The following PHF21B variants were observed in gnomAD, a reference collection of about 807,000 sequenced individuals.
The protein encoded by PHF21B is PHD finger protein 21B, also known as PHD finger protein 4.
A neutral mutation model predicts 62.2 loss-of-function variants in PHF21B; 22 were observed. That is an observed-to-expected ratio of 0.35 (90% CI 0.25 to 0.51). The LOEUF (loss-of-function observed/expected upper bound fraction) is 0.51, where lower values mean the gene tolerates loss of function less well. Ranked by LOEUF, PHF21B falls within the 20% of genes least tolerant of loss-of-function variation. The probability of loss-of-function intolerance (pLI) is 0.97; values close to 1 mark genes in which losing one functional copy is unlikely to be tolerated. For synonymous variants in PHF21B, 341 were observed against 314.7 expected, an observed-to-expected ratio of 1.08 and a Z score of -0.88; for missense variants, 701 against 707.9, an observed-to-expected ratio of 0.99 and a Z score of 0.11.
chr22:44,977,490 G>A (rs1414081653), intron 2 of PHF21B, among the ~76,000 whole-genome samples: 1 of 151,950 alleles, frequency 6.6e-6, no homozygotes, highest in Middle Eastern at 3.2e-3. Context: ...ACTTGAACCT[G>A]AGAGGCGGAG....
chr22:44,900,828 T>C (rs2071146455), intron 5 of PHF21B, among the ~76,000 whole-genome samples: 1 of 151,904 alleles, frequency 6.6e-6, no homozygotes, highest in South Asian at 2.1e-4. Flanking sequence ...GATTCTTTTG[T>C]TTCCATAGTC....
At chr22:44,963,092 C>T (rs2147424016) in intron 2 of PHF21B, among the ~76,000 whole-genome samples, 1 of 152,382 alleles carries the variant, frequency 6.6e-6, no homozygotes, top group Admixed American at 6.5e-5. Flanking sequence ...CCCCAGATCC[C>T]TCCTCGTAAC....
intron 3 of PHF21B, among the ~76,000 whole-genome samples, chr22:44,919,942 T>C (rs992550101): frequency 2.0e-5 from 3 of 152,200 alleles, no homozygotes; most frequent in Non-Finnish European, 4.4e-5. Flanking sequence ...GACCCTGCAC[T>C]AGAAGCCAGG....
chr22:44,942,617 C>T (rs1174875124), intron 2 of PHF21B, among the ~76,000 whole-genome samples: 3 of 152,164 alleles, frequency 2.0e-5, no homozygotes, highest in South Asian at 2.1e-4. Context: ...CACAGGGCAC[C>T]GAGGTCTGTG....
At position 44,903,731 on chromosome 22, in the gene PHF21B, C is replaced by T. The variant is rs2071201392; in HGVS notation, c.832-7648G>A. Among the ~76,000 whole-genome samples the T allele has an allele frequency of 2.0e-5, 3 of 152,200 alleles. No individual in the cohort carries two copies. In the South Asian group the frequency reaches 6.2e-4, roughly 31 times the overall value. ...CAAATGCATATCCCAAACGATGTTG[C>T]TATGGTACACTTAAGTTCGTGACTG... On this transcript the variant is annotated intron_variant, in intron 5 of 12. Transcript: ENST00000313237.
At chr22:44,925,108 T>C (rs994706871) in intron 2 of PHF21B, among the ~76,000 whole-genome samples, 5 of 152,084 alleles carry the variant, frequency 3.3e-5, no homozygotes, top group Non-Finnish European at 5.9e-5. Flanking sequence ...GCAAACAAAG[T>C]GACAGAAAAT....
intron 2 of PHF21B, among the ~76,000 whole-genome samples, chr22:44,953,577 T>G (rs1378803771): frequency 1.3e-5 from 2 of 152,290 alleles, no homozygotes; most frequent in Non-Finnish European, 2.9e-5. Flanking sequence ...TTTTCTCTGC[T>G]AATGTGTCTC....
intron 2 of PHF21B, among the ~76,000 whole-genome samples, chr22:44,937,406 C>T (rs906444513): frequency 5.3e-5 from 8 of 152,182 alleles, no homozygotes; most frequent in East Asian, 3.8e-4. Context: ...AGGTGCAGGC[C>T]GCTGAGGACG....
chr22:44,967,501 G>A (rs1234703327), intron 2 of PHF21B, among the ~76,000 whole-genome samples: 2 of 152,156 alleles, frequency 1.3e-5, no homozygotes, highest in Admixed American at 6.5e-5. Context: ...GATTACAGGC[G>A]TGAGCCACTG....
intron 2 of PHF21B, among the ~76,000 whole-genome samples, chr22:45,006,588 T>A (rs1453464620): frequency 5.3e-5 from 8 of 152,206 alleles, no homozygotes; most frequent in Non-Finnish European, 1.0e-4. Context: ...CATAAAAATT[T>A]AAACAGCCTC....
At chr22:45,005,619 T>C (rs1214107953) in intron 2 of PHF21B, among the ~76,000 whole-genome samples, 4 of 152,206 alleles carry the variant, frequency 2.6e-5, no homozygotes, top group Non-Finnish European at 4.4e-5. Flanking sequence ...AAATTCATGG[T>C]TGGGCCCTGA....
chr22:44,898,999 C>G (rs2071108222), intron 5 of PHF21B, among the ~76,000 whole-genome samples: 1 of 152,144 alleles, frequency 6.6e-6, no homozygotes, highest in Non-Finnish European at 1.5e-5. Context: ...TTAAATCTGC[C>G]TCTCTAGGAG....
At chr22:44,933,364 G>T in intron 2 of PHF21B, 2 of 740,370 alleles carry the variant, frequency 2.7e-6, no homozygotes, top group Non-Finnish European at 1.6e-6. Context: ...GTCCGCCTCG[G>T]CCTCCGAAAG....
chr22:44,919,825 C>T (rs892645386), intron 3 of PHF21B, among the ~76,000 whole-genome samples: 2 of 152,202 alleles, frequency 1.3e-5, no homozygotes, highest in Non-Finnish European at 2.9e-5. Context: ...CAGCCACCAA[C>T]GAAGGAAGCC....
intron 2 of PHF21B, among the ~76,000 whole-genome samples, chr22:44,926,856 G>A (rs746366295): frequency 5.3e-5 from 8 of 152,182 alleles, no homozygotes; most frequent in East Asian, 1.9e-4. Context: ...GGGAGTGACC[G>A]TGTATCTGTG....
chr22:44,995,597 G>C (rs528648613), intron 2 of PHF21B, among the ~76,000 whole-genome samples: 1 of 152,284 alleles, frequency 6.6e-6, no homozygotes, highest in Admixed American at 6.5e-5. Flanking sequence ...TTGGACCACT[G>C]TAGAACCAAG....
At chr22:44,910,023 T>C (rs58035699) in intron 5 of PHF21B, among the ~76,000 whole-genome samples, 8,198 of 152,310 alleles carry the variant, frequency 0.054, 400 homozygotes, top group African/African-American at 0.13. Context: ...GCCTGCATCC[T>C]GATGTCCCTA....
At chr22:44,899,909 T>C (rs926714430) in intron 5 of PHF21B, among the ~76,000 whole-genome samples, 1 of 152,160 alleles carries the variant, frequency 6.6e-6, no homozygotes, top group Non-Finnish European at 1.5e-5. Flanking sequence ...GTTTTCCAGA[T>C]CTCTTGGGTT....
chr22:45,003,224 CA>C (rs1035519918), intron 2 of PHF21B: 32 of 152,436 alleles, frequency 2.1e-4, no homozygotes, highest in African/African-American at 7.0e-4. Context: ...GTTAACAAAT[CA>C]TTGCCAATCT....
Sources: gnomAD v4.1 joint callset for allele counts (sites outside exome capture counted in the v4.1 genomes callset) on GRCh38, gnomAD v4.1.1 for gene constraint, MANE v1.5 for transcripts, NCBI Gene and HGNC (gene_info 2026-07-23, HGNC 2026-07-21) for gene names.